The following REC114 variants were observed in gnomAD, a reference collection of about 807,000 sequenced individuals.
REC114 encodes the protein meiotic recombination protein REC114.
In REC114, 27 loss-of-function variants were observed where a neutral mutation model predicts 31.3. The observed-to-expected ratio is 0.86, with a 90% CI of 0.64 to 1.19. REC114 has a LOEUF of 1.19. Ranked by LOEUF, REC114 falls within the 50% of genes most tolerant of loss-of-function variation. The pLI is 0.00. For missense variants in REC114, 344 were observed against 326.9 expected, an observed-to-expected ratio of 1.05 and a Z score of -0.40; for synonymous variants, 134 against 127.7, an observed-to-expected ratio of 1.05 and a Z score of -0.33.
At chr15:73,491,655 T>TG (rs1363985671) in intron 2 of REC114, among the ~76,000 whole-genome samples, 8 of 152,210 alleles carry the variant, frequency 5.3e-5, no homozygotes, top group Admixed American at 3.9e-4. Flanking sequence ...CCCAGCACTT[T>TG]GGGAGGCTGA....
At chr15:73,479,101 G>A (rs1197471380) in intron 2 of REC114, among the ~76,000 whole-genome samples, 2 of 151,914 alleles carry the variant, frequency 1.3e-5, no homozygotes, top group African/African-American at 2.4e-5. Flanking sequence ...ATGTTGAATA[G>A]CAATGGTGAG....
intron 2 of REC114, among the ~76,000 whole-genome samples, chr15:73,532,005 TTAAG>T (rs1894092326): frequency 2.0e-5 from 3 of 151,432 alleles, no homozygotes; most frequent in African/African-American, 7.3e-5. Context: ...TTTTAATACT[TTAAG>T]TTTTAGGGTA....
intron 2 of REC114, among the ~76,000 whole-genome samples, chr15:73,537,384 T>C (rs1363187531): frequency 6.6e-6 from 1 of 152,184 alleles, no homozygotes; most frequent in Non-Finnish European, 1.5e-5. Context: ...TGAAGAGCCA[T>C]AAAGCAGCTC....
intron 2 of REC114, among the ~76,000 whole-genome samples, chr15:73,512,921 C>T (rs1893794402): frequency 6.6e-6 from 1 of 151,538 alleles, no homozygotes. Flanking sequence ...CAATTATGTG[C>T]CTTGGAGTTG....
chr15:73,485,056 A>G (rs1484068887), intron 2 of REC114, among the ~76,000 whole-genome samples: 1 of 152,194 alleles, frequency 6.6e-6, no homozygotes, highest in African/African-American at 2.4e-5. Context: ...TTTAGCATAA[A>G]CTTTTAAAGT....
intron 1 of REC114, among the ~76,000 whole-genome samples, chr15:73,452,681 T>A (rs971043133): frequency 2.5e-4 from 38 of 152,210 alleles, no homozygotes; most frequent in Admixed American, 2.0e-4. Context: ...GCCAAGACAA[T>A]CCTAAGCAAA....
chr15:73,458,634 C>T lies in REC114; in HGVS notation c.160-15198C>T, dbSNP rs568705458. Among the ~76,000 whole-genome samples the T allele has an allele frequency of 2.0e-5, 3 of 152,358 alleles. No homozygotes were observed. The South Asian group carries it at 6.2e-4, about 32-fold the overall frequency. On this transcript the variant is annotated intron_variant, in intron 1 of 5. Transcript: ENST00000331090. The stretch of plus-strand genomic sequence containing the variant: ...GGTACTGAGGCTCCTTCTTTGTTCT[C>T]TGCTGTGCATGGCCATGGTCTCACA...
intron 2 of REC114, among the ~76,000 whole-genome samples, chr15:73,531,453 C>T (rs1214678990): frequency 6.6e-6 from 1 of 152,182 alleles, no homozygotes; most frequent in Non-Finnish European, 1.5e-5. Flanking sequence ...AAACGCACTT[C>T]ATAATTTATA....
At chr15:73,458,642 C>T (rs1892949317) in intron 1 of REC114, among the ~76,000 whole-genome samples, 1 of 152,198 alleles carries the variant, frequency 6.6e-6, no homozygotes. Flanking sequence ...CTCTGCTGTG[C>T]ATGGCCATGG....
At chr15:73,540,052 T>C (rs563572594) in intron 2 of REC114, among the ~76,000 whole-genome samples, 171 of 152,294 alleles carry the variant, frequency 1.1e-3, no homozygotes, top group African/African-American at 3.8e-3. Flanking sequence ...CATAGGAATA[T>C]GAAAATAAGA....
At chr15:73,548,563 C>A (rs1376331985) in intron 3 of REC114, among the ~76,000 whole-genome samples, 2 of 152,128 alleles carry the variant, frequency 1.3e-5, no homozygotes, top group Non-Finnish European at 2.9e-5. Flanking sequence ...AAAAAAATAA[C>A]AGATGCTGGC....
rs1892782771 is a variant in REC114 at position 73,447,597 on chromosome 15, AAGATTGTGCCACTGCACTCCAG to A, written c.159+4254_159+4275del. ...TAGGAGACAGAGGTTGCAGTGAGCC[AAGATTGTGCCACTGCACTCCAG>A]CCTGGGCAACAGAGTGAGACTCTGT... On this transcript the variant is annotated intron_variant, in intron 1 of 5. Transcript: ENST00000331090. Among the ~76,000 whole-genome samples, 5 of 151,956 alleles carry A rather than the reference AAGATTGTGCCACTGCACTCCAG, an allele frequency of 3.3e-5. No homozygotes were observed. The South Asian group carries it at 8.3e-4, about 25-fold the overall frequency.
At chr15:73,466,034 A>G (rs576697692) in intron 1 of REC114, among the ~76,000 whole-genome samples, 3 of 151,692 alleles carry the variant, frequency 2.0e-5, no homozygotes, top group East Asian at 2.0e-4. Context: ...TCATTTTTTT[A>G]GTAGAGACGG....
At chr15:73,458,069 C>T (rs376320160) in intron 1 of REC114, among the ~76,000 whole-genome samples, 13 of 152,256 alleles carry the variant, frequency 8.5e-5, no homozygotes, top group African/African-American at 2.9e-4. Flanking sequence ...GAATCAACTT[C>T]TGGGGTGGCT....
chr15:73,507,224 T>A (rs1175034498), intron 2 of REC114, among the ~76,000 whole-genome samples: 1 of 152,226 alleles, frequency 6.6e-6, no homozygotes, highest in Non-Finnish European at 1.5e-5. Context: ...ATATATAACT[T>A]AAATAAAAAT....
chr15:73,449,111 C>T (rs1380506449), intron 1 of REC114, among the ~76,000 whole-genome samples: 2 of 151,994 alleles, frequency 1.3e-5, no homozygotes, highest in African/African-American at 2.4e-5. Flanking sequence ...CACAACGCCT[C>T]GCCAGCAAGG....
intron 2 of REC114, among the ~76,000 whole-genome samples, chr15:73,493,272 T>C (rs1893471139): frequency 1.3e-5 from 2 of 152,192 alleles, no homozygotes; most frequent in Admixed American, 1.3e-4. Context: ...CCTTGTTTAT[T>C]TATTCTTTAC....
At chr15:73,539,282 ATTTTTT>A (rs753968018) in intron 2 of REC114, among the ~76,000 whole-genome samples, 134 of 70,816 alleles carry the variant, frequency 1.9e-3, no homozygotes, top group African/African-American at 8.5e-3. Context: ...TTCAGAACTG[ATTTTTT>A]TTTTTTTTTT....
chr15:73,527,817 C>CT (rs1894026781), intron 2 of REC114, among the ~76,000 whole-genome samples: 1 of 152,038 alleles, frequency 6.6e-6, no homozygotes, highest in African/African-American at 2.4e-5. Context: ...TGTGACCTTC[C>CT]AAATATGAGT....
Sources: allele counts gnomAD v4.1 joint callset (sites outside exome capture counted in the v4.1 genomes callset), GRCh38; gene constraint gnomAD v4.1.1; transcripts MANE v1.5; gene names NCBI Gene and HGNC (gene_info 2026-07-23, HGNC 2026-07-21).